The following FAM78B variants were observed in gnomAD, a reference collection of about 807,000 sequenced individuals.
FAM78B encodes protein FAM78B.
In FAM78B, 10 loss-of-function variants were observed where a neutral mutation model predicts 20.0. That is an observed-to-expected ratio of 0.50 (90% CI 0.31 to 0.85). The LOEUF (loss-of-function observed/expected upper bound fraction) is 0.85, where lower values mean the gene tolerates loss of function less well. FAM78B is among the 40% of genes least tolerant of loss of function. The pLI, the probability that FAM78B is intolerant of heterozygous loss-of-function variation, is 0.05. For missense variants in FAM78B, 283 were observed against 345.0 expected, an observed-to-expected ratio of 0.82 and a Z score of 1.42; for synonymous variants, 135 against 132.8, an observed-to-expected ratio of 1.02 and a Z score of -0.12.
chr1:166,094,004 T>A (rs1459022618), intron 1 of FAM78B, among the ~76,000 whole-genome samples: 1 of 71,758 alleles, frequency 1.4e-5, no homozygotes, highest in Non-Finnish European at 2.5e-5. Flanking sequence ...TGCGAATGAC[T>A]GTGTGTGTGT....
In FAM78B at chr1:166,060,652, C is replaced by G. The variant is rs919964100; in HGVS notation, c.*421G>C. On this transcript the variant is annotated 3_prime_UTR_variant and NMD_transcript_variant, in exon 3 of 3. Coordinates refer to the FAM78B transcript ENST00000435676. ...TTGTGCTTGCTGGGCTTTCCTTGTC[C>G]TACTAGGAGACCTGTATGTGGACAT... 2.1e-5 allele frequency: 27 copies of G among 1,288,226 alleles called. No individual in the cohort carries two copies. The African/African-American group carries it at 3.8e-4, about 18-fold the overall frequency. The allele number at this position is 1,288,226 out of a possible 1,614,324, so 79.8% of individuals were successfully genotyped here.
rs547512522 is a variant in FAM78B at position 166,070,048 on chromosome 1, G to C, written c.*193C>G. 16 of 1,261,796 alleles carry C rather than the reference G, an allele frequency of 1.3e-5. No homozygotes were observed. In the South Asian group the frequency reaches 3.8e-4, roughly 30 times the overall value. The allele number at this position is 1,261,796 out of a possible 1,614,324, so 78.2% of individuals were successfully genotyped here. On this transcript the variant is annotated 3_prime_UTR_variant, in exon 2 of 2. Coordinates refer to ENST00000354422, the MANE Select transcript of FAM78B (RefSeq NM_001017961.5). ...ATCAGTGATTTCTTTATTCCTAAGA[G>C]GAAGGGATTTTTCCTAAGGATTATG...
chr1:166,133,684 TATGCCTAATTA>T (rs1191053134), intron 1 of FAM78B, among the ~76,000 whole-genome samples: 14 of 152,152 alleles, frequency 9.2e-5, no homozygotes, highest in Admixed American at 9.2e-4. Context: ...GTGCTAATCT[TATGCCTAATTA>T]ATTAGAGCAG....
intron 1 of FAM78B, among the ~76,000 whole-genome samples, chr1:166,121,790 G>C (rs1654472709): frequency 6.6e-6 from 1 of 152,186 alleles, no homozygotes; most frequent in African/African-American, 2.4e-5. Flanking sequence ...GAGCAGGTAA[G>C]CAACTTGCCC....
intron 1 of FAM78B, among the ~76,000 whole-genome samples, chr1:166,117,085 C>T (rs1654288226): frequency 6.6e-6 from 1 of 152,184 alleles, no homozygotes; most frequent in South Asian, 2.1e-4. Flanking sequence ...ATCTGGAAGA[C>T]CAAATTCAAA....
intron 1 of FAM78B, among the ~76,000 whole-genome samples, chr1:166,163,075 CT>C (rs1343457483): frequency 1.3e-5 from 2 of 152,154 alleles, no homozygotes; most frequent in African/African-American, 4.8e-5. Flanking sequence ...CTGCATATTC[CT>C]TTTTCTTTGG....
intron 1 of FAM78B, among the ~76,000 whole-genome samples, chr1:166,131,645 A>G (rs1654882046): frequency 1.3e-5 from 2 of 152,212 alleles, no homozygotes; most frequent in African/African-American, 2.4e-5. Context: ...TTTGGGCTCA[A>G]TATGAAGAAG....
intron 1 of FAM78B, among the ~76,000 whole-genome samples, chr1:166,115,653 T>C (rs1257972688): frequency 2.0e-5 from 3 of 152,132 alleles, no homozygotes; most frequent in Non-Finnish European, 2.9e-5. Flanking sequence ...TATCAAAGGT[T>C]GACAAAGAAG....
chr1:166,059,308 A>T (rs1281785141), exon 3 of FAM78B: 3 of 152,752 alleles, frequency 2.0e-5, no homozygotes, highest in Non-Finnish European at 4.4e-5. Context: ...AAGGGGCTGG[A>T]GGAACGGGAA....
chr1:166,072,889 T>G (rs1652105016), intron 1 of FAM78B, among the ~76,000 whole-genome samples: 2 of 152,340 alleles, frequency 1.3e-5, no homozygotes, highest in Admixed American at 1.3e-4. Context: ...TCAGGCTATC[T>G]TGCTTTGTCT....
intron 1 of FAM78B, among the ~76,000 whole-genome samples, chr1:166,160,176 A>AC (rs1656088760): frequency 1.3e-5 from 2 of 152,192 alleles, no homozygotes; most frequent in Non-Finnish European, 2.9e-5. Context: ...CAACTGTGTG[A>AC]CCATCTCTAT....
intron 2 of FAM78B, among the ~76,000 whole-genome samples, chr1:166,063,267 C>G (rs12034780): frequency 0.15 from 23,046 of 152,218 alleles, 2,265 homozygotes; most frequent in East Asian, 0.43. Flanking sequence ...GACTTGTTGA[C>G]AGAACAAGTA....
intron 2 of FAM78B, among the ~76,000 whole-genome samples, chr1:166,061,801 A>G (rs1193057500): frequency 1.3e-5 from 2 of 152,050 alleles, no homozygotes; most frequent in Admixed American, 1.3e-4. Flanking sequence ...ACCTTGTGTG[A>G]CACAGAATGA....
intron 1 of FAM78B, among the ~76,000 whole-genome samples, chr1:166,160,765 C>T (rs1319411329): frequency 2.0e-5 from 3 of 152,202 alleles, no homozygotes; most frequent in African/African-American, 2.4e-5. Flanking sequence ...ATGGGCCATG[C>T]ACTGTTCATA....
chr1:166,158,143 G>C (rs773829201), intron 1 of FAM78B, among the ~76,000 whole-genome samples: 8 of 152,114 alleles, frequency 5.3e-5, no homozygotes, highest in Non-Finnish European at 1.0e-4. Flanking sequence ...CCCTTCCTGG[G>C]AGATAAGGCC....
Position 166,120,754 on chromosome 1 carries a change from AGGAG to A in FAM78B, c.263+45228_263+45231del, listed in dbSNP as rs1654437680. Among the ~76,000 whole-genome samples the A allele has an allele frequency of 2.8e-5, 3 of 106,924 alleles. No homozygotes were observed. The East Asian group carries it at 1.1e-3, about 38-fold the overall frequency. 70.1% of individuals were successfully genotyped at this position (106,924 alleles called of 152,430 possible). A position where few individuals can be genotyped will look rare whatever the true frequency, so the allele number is the denominator to read the frequency against. The stretch of plus-strand genomic sequence containing the variant: ...GGAGCTAAGGGCTGTCCCCAAGAGC[AGGAG>A]CACGTGGTGAGCAGAGGACATCCAC... On this transcript the variant is annotated intron_variant, in intron 1 of 1. Coordinates refer to ENST00000354422, the MANE Select transcript of FAM78B (RefSeq NM_001017961.5).
intron 1 of FAM78B, among the ~76,000 whole-genome samples, chr1:166,154,187 C>T (rs1413701602): frequency 6.6e-6 from 1 of 152,182 alleles, no homozygotes; most frequent in East Asian, 1.9e-4. Context: ...GATCTTATTT[C>T]TTCTAGAGCT....
intron 1 of FAM78B, among the ~76,000 whole-genome samples, chr1:166,101,678 G>A (rs1364339069): frequency 3.9e-5 from 6 of 152,104 alleles, no homozygotes; most frequent in African/African-American, 7.2e-5. Context: ...AAAAAGAAAC[G>A]AACAAAGCCT....
chr1:166,128,555 G>A (rs1225237068), intron 1 of FAM78B, among the ~76,000 whole-genome samples: 1 of 152,194 alleles, frequency 6.6e-6, no homozygotes, highest in Non-Finnish European at 1.5e-5. Flanking sequence ...ATTGTGAAAG[G>A]CTATCCCCAT....
Sources: gnomAD v4.1 joint callset for allele counts (sites outside exome capture counted in the v4.1 genomes callset) on GRCh38, gnomAD v4.1.1 for gene constraint, MANE v1.5 for transcripts, NCBI Gene and HGNC (gene_info 2026-07-23, HGNC 2026-07-21) for gene names.